PDZRN4: variants seen among roughly 807,000 people sequenced by gnomAD.
The protein encoded by PDZRN4 is PDZ domain containing ring finger 4.
PDZRN4 carries 70 observed loss-of-function variants against 99.0 expected under a neutral mutation model. The observed-to-expected ratio is 0.71, with a 90% CI of 0.58 to 0.86. The LOEUF is 0.86. PDZRN4 is among the 40% of genes least tolerant of loss of function. PDZRN4 has a pLI of 0.00. For synonymous variants in PDZRN4, 551 were observed against 501.6 expected (o/e 1.10, Z -1.32); for missense variants, 1,474 against 1,331.2 (o/e 1.11, Z -1.67).
At chr12:41,496,249 T>C (rs150208452) in intron 3 of PDZRN4, among the ~76,000 whole-genome samples, 2 of 152,220 alleles carry the variant, frequency 1.3e-5, no homozygotes, top group East Asian at 1.9e-4. Context: ...CTGCCAGGAA[T>C]GTAACGTGTA....
At chr12:41,329,036 CTT>C (rs1448496104) in intron 3 of PDZRN4, among the ~76,000 whole-genome samples, 1 of 152,140 alleles carries the variant, frequency 6.6e-6, no homozygotes, top group Non-Finnish European at 1.5e-5. Context: ...ATTGTCTTCT[CTT>C]TAGGGTTTGG....
intron 3 of PDZRN4, among the ~76,000 whole-genome samples, chr12:41,289,251 C>T (rs1290452992): frequency 6.6e-6 from 1 of 152,158 alleles, no homozygotes; most frequent in Non-Finnish European, 1.5e-5. Flanking sequence ...GATGCATCCA[C>T]ACAGTACTTT....
intron 3 of PDZRN4, among the ~76,000 whole-genome samples, chr12:41,283,583 T>G (rs1951403588): frequency 6.6e-6 from 1 of 152,172 alleles, no homozygotes; most frequent in Non-Finnish European, 1.5e-5. Flanking sequence ...CCAATATCCG[T>G]GATAAACATC....
At chr12:41,468,249 C>T (rs1225914133) in intron 3 of PDZRN4, among the ~76,000 whole-genome samples, 6 of 152,116 alleles carry the variant, frequency 3.9e-5, no homozygotes, top group Non-Finnish European at 8.8e-5. Context: ...TTAGAATGAC[C>T]TCCCAATTTA....
chr12:41,515,314 A>G (rs1938382359), intron 5 of PDZRN4, among the ~76,000 whole-genome samples: 1 of 152,012 alleles, frequency 6.6e-6, no homozygotes, highest in South Asian at 2.1e-4. Flanking sequence ...GATTTGTTTA[A>G]CTCACTGAAT....
At chr12:41,210,330 G>C (rs1950880011) in intron 3 of PDZRN4, among the ~76,000 whole-genome samples, 1 of 152,020 alleles carries the variant, frequency 6.6e-6, no homozygotes, top group Non-Finnish European at 1.5e-5. Flanking sequence ...TTCTTATGCT[G>C]TGCAGAAGCT....
Position 41,572,261 on chromosome 12 carries a change from A to G in PDZRN4, c.1585-103A>G, listed in dbSNP as rs565789078. On this transcript the variant is annotated intron_variant, in intron 9 of 9. Coordinates refer to ENST00000402685, the MANE Select transcript of PDZRN4 (RefSeq NM_001164595.2). The stretch of plus-strand genomic sequence containing the variant: ...CTAAATTAGAGCAACTGTCTAGGAG[A>G]TGCAACTTTGCCAGGAAACATTGGT... 4.4e-4 allele frequency: 406 copies of G among 915,562 alleles called. 2 individuals are homozygous for G. The African/African-American group carries it at 6.2e-3, about 14-fold the overall frequency. 56.7% of individuals were successfully genotyped at this position (915,562 alleles called of 1,614,324 possible).
intron 3 of PDZRN4, among the ~76,000 whole-genome samples, chr12:41,287,409 C>A (rs967834797): frequency 3.3e-5 from 5 of 152,202 alleles, no homozygotes; most frequent in African/African-American, 1.2e-4. Context: ...TTAAAAGTAT[C>A]AATTCTACCC....
intron 3 of PDZRN4, 57 bp from the exon 4 acceptor site, chr12:41,506,399 C>T: frequency 6.7e-7 from 1 of 1,493,952 alleles, no homozygotes. Context: ...ATTAATCTAT[C>T]ATGACAGCCT....
intron 3 of PDZRN4, among the ~76,000 whole-genome samples, chr12:41,494,359 T>C (rs1255269775): frequency 6.6e-6 from 1 of 152,118 alleles, no homozygotes; most frequent in Non-Finnish European, 1.5e-5. Context: ...TTTAGTTTTT[T>C]AACCTATAGG....
At chr12:41,535,414 A>C (rs187204604) in intron 5 of PDZRN4, among the ~76,000 whole-genome samples, 11 of 152,350 alleles carry the variant, frequency 7.2e-5, no homozygotes, top group Admixed American at 7.2e-4. Context: ...TATTTTAGAC[A>C]CATTCACAAG....
At chr12:41,542,485 C>T (rs1047809724) in intron 5 of PDZRN4, among the ~76,000 whole-genome samples, 2 of 152,226 alleles carry the variant, frequency 1.3e-5, no homozygotes, top group Non-Finnish European at 2.9e-5. Flanking sequence ...CACCTTGTTC[C>T]TGCCTCCACA....
chr12:41,521,409 A>G (rs1339240492), intron 5 of PDZRN4, among the ~76,000 whole-genome samples: 1 of 152,132 alleles, frequency 6.6e-6, no homozygotes. Context: ...TTGGGAAAAA[A>G]AAGTTATACA....
chr12:41,406,876 A>G (rs1323541323), intron 3 of PDZRN4, among the ~76,000 whole-genome samples: 3 of 151,812 alleles, frequency 2.0e-5, no homozygotes, highest in Non-Finnish European at 4.4e-5. Flanking sequence ...AAAAAAAAAA[A>G]AAAAGACAAT....
intron 3 of PDZRN4, among the ~76,000 whole-genome samples, chr12:41,195,611 A>G (rs1303817529): frequency 2.0e-5 from 3 of 152,204 alleles, no homozygotes; most frequent in Non-Finnish European, 2.9e-5. Flanking sequence ...TGCCAAAAAA[A>G]AAACTTTGAT....
At chr12:41,232,210 G>A (rs1193972269) in intron 3 of PDZRN4, among the ~76,000 whole-genome samples, 2 of 151,954 alleles carry the variant, frequency 1.3e-5, no homozygotes, top group Non-Finnish European at 1.5e-5. Flanking sequence ...AAGTTTTAAT[G>A]AAATGCTGTC....
Position 41,245,687 on chromosome 12 carries a change from G to T in PDZRN4, c.843+51499G>T, listed in dbSNP as rs568422320. 2.0e-4 allele frequency among the ~76,000 whole-genome samples: 31 copies of T among 151,906 alleles called. No homozygotes were observed. The South Asian group carries it at 4.8e-3, about 23-fold the overall frequency. On this transcript the variant is annotated intron_variant, in intron 3 of 9. Transcript: ENST00000402685. ...TTCAACATTTTCCATAATAAAAAGT[G>T]AAAAAAAATATATGGCAATATAATG...
intron 3 of PDZRN4, among the ~76,000 whole-genome samples, chr12:41,362,221 A>G (rs1951968626): frequency 6.6e-6 from 1 of 151,996 alleles, no homozygotes; most frequent in South Asian, 2.1e-4. Flanking sequence ...CATCAAGTAG[A>G]GCCCAGACTC....
chr12:41,206,949 G>A (rs77389539), intron 3 of PDZRN4, among the ~76,000 whole-genome samples: 2,014 of 151,806 alleles, frequency 0.013, 43 homozygotes, highest in African/African-American at 0.046. Flanking sequence ...ATTTTGCTTC[G>A]CAATTCTTTG....
Sources: allele counts gnomAD v4.1 joint callset (sites outside exome capture counted in the v4.1 genomes callset), GRCh38; gene constraint gnomAD v4.1.1; transcripts MANE v1.5; gene names NCBI Gene and HGNC (gene_info 2026-07-23, HGNC 2026-07-21).